Variants in STEAP1B observed in about 807,000 individuals in gnomAD.
STEAP1B encodes the protein STEAP family member 1B, also known as STEAP family protein MGC87042.
In STEAP1B, 13 loss-of-function variants were observed where a neutral mutation model predicts 27.9. The ratio of observed to expected loss-of-function variants is 0.47; its 90% CI spans 0.30 to 0.74. The LOEUF (loss-of-function observed/expected upper bound fraction) is 0.74, where lower values mean the gene tolerates loss of function less well. STEAP1B is among the 30% of genes least tolerant of loss of function. The pLI is 0.06. For synonymous variants in STEAP1B, 86 were observed against 107.1 expected, an observed-to-expected ratio of 0.80 and a Z score of 1.22; for missense variants, 250 against 298.7, an observed-to-expected ratio of 0.84 and a Z score of 1.20.
intron 4 of STEAP1B, among the ~76,000 whole-genome samples, chr7:22,427,198 C>A (rs1785119656): frequency 6.6e-6 from 1 of 152,132 alleles, no homozygotes; most frequent in South Asian, 2.1e-4. Flanking sequence ...GATGAGTTAA[C>A]GTGTAGAAGG....
rs183839652 is a variant in STEAP1B, at chr7:22,456,296, C to T, written c.762+36269G>A. Among the ~76,000 whole-genome samples the T allele has an allele frequency of 1.9e-3, 292 of 152,286 alleles. 3 individuals carry two copies. Among genetic ancestry groups the T allele is most frequent in the Non-Finnish European group, 2.3e-3 (156 of 68,018 alleles). ...TTTCTGTTAGAATCAGATTGTCTTC[C>T]TCAGTTTCCAAGGAAGAAATCGTGC... On this transcript the variant is annotated intron_variant, in intron 4 of 4. Coordinates refer to ENST00000678116, the MANE Select transcript of STEAP1B (RefSeq NM_001382447.1).
At chr7:22,431,125 C>G (rs1175143938) in intron 4 of STEAP1B, among the ~76,000 whole-genome samples, 1 of 152,176 alleles carries the variant, frequency 6.6e-6, no homozygotes, top group Non-Finnish European at 1.5e-5. Flanking sequence ...CTCAAATTGA[C>G]CTACATAATA....
rs552189160 is a variant in STEAP1B at position 22,456,364 on chromosome 7, G to A, written c.762+36201C>T. On this transcript the variant is annotated intron_variant, in intron 4 of 4. Coordinates refer to ENST00000678116, the MANE Select transcript of STEAP1B (RefSeq NM_001382447.1). ...GATAATGCTGCTTCTAAGCATTCCA[G>A]TGGCAACTCTCCTTCCCTGTCATGG... Among the ~76,000 whole-genome samples, 7 of 152,306 alleles carry A rather than the reference G, an allele frequency of 4.6e-5. No homozygotes were observed. The East Asian group carries it at 1.2e-3, about 25-fold the overall frequency.
chr7:22,452,481 G>A (rs184775485), intron 4 of STEAP1B, among the ~76,000 whole-genome samples: 126 of 152,236 alleles, frequency 8.3e-4, no homozygotes, highest in African/African-American at 2.8e-3. Context: ...AGCCGGTAAT[G>A]CGGTAATGTG....
intron 4 of STEAP1B, among the ~76,000 whole-genome samples, chr7:22,482,333 TTTTAGATAACCAACGAATAA>T (rs1194095818): frequency 6.6e-6 from 1 of 152,218 alleles, no homozygotes; most frequent in Non-Finnish European, 1.5e-5. Context: ...TAAATTTAAG[TTTTAGATAACCAACGAATAA>T]TTCTTAGCAC....
chr7:22,454,865 ATTTTTTT>A (rs367804282), intron 4 of STEAP1B, among the ~76,000 whole-genome samples: 39,663 of 125,612 alleles, frequency 0.32, 6,183 homozygotes, highest in Middle Eastern at 0.42. Flanking sequence ...ATATATATAT[ATTTTTTT>A]TTTTTTTTGA....
In STEAP1B at chr7:22,419,693, C is replaced by A. The variant is rs1406418140; in HGVS notation, c.*111G>T. 2.4e-6 allele frequency: 3 copies of A among 1,251,454 alleles called. No homozygotes were observed. The highest frequency in any genetic ancestry group is 5.5e-5 in the East Asian group (2 of 36,676). The allele number at this position is 1,251,454 out of a possible 1,614,324, so 77.5% of individuals were successfully genotyped here. A position where few individuals can be genotyped will look rare whatever the true frequency, so the allele number is the denominator to read the frequency against. On this transcript the variant is annotated 3_prime_UTR_variant, in exon 5 of 5. Coordinates refer to ENST00000678116, the MANE Select transcript of STEAP1B (RefSeq NM_001382447.1). The stretch of plus-strand genomic sequence containing the variant: ...AGAGCAGCCGTCACCTGCAGCATGG[C>A]TGTTCATTGTGGCAGAGGGAAAGGG...
At chr7:22,444,439 A>T (rs1172124930) in intron 4 of STEAP1B, among the ~76,000 whole-genome samples, 1 of 152,062 alleles carries the variant, frequency 6.6e-6, no homozygotes, top group African/African-American at 2.4e-5. Context: ...AAAAAAAGTA[A>T]AAAGAAAATA....
At chr7:22,432,809 A>C (rs1480963104) in intron 4 of STEAP1B, among the ~76,000 whole-genome samples, 3 of 152,202 alleles carry the variant, frequency 2.0e-5, no homozygotes, top group Non-Finnish European at 4.4e-5. Context: ...TAGCCAAAAA[A>C]ACAGCAAATG....
At chr7:22,470,256 G>A (rs549461844) in intron 4 of STEAP1B, among the ~76,000 whole-genome samples, 15 of 152,286 alleles carry the variant, frequency 9.8e-5, no homozygotes, top group South Asian at 2.1e-4. Flanking sequence ...GGATGTAGCC[G>A]TATCGAAAGA....
At chr7:22,469,156 A>C (rs919954012) in intron 4 of STEAP1B, among the ~76,000 whole-genome samples, 3 of 152,152 alleles carry the variant, frequency 2.0e-5, no homozygotes, top group Admixed American at 6.5e-5. Flanking sequence ...GATATTGATG[A>C]TCTGGACCCT....
chr7:22,426,612 T>C (rs1446768079), intron 4 of STEAP1B, among the ~76,000 whole-genome samples: 1 of 152,140 alleles, frequency 6.6e-6, no homozygotes, highest in African/African-American at 2.4e-5. Context: ...GGCAGTGGCT[T>C]TGGGTAAAAG....
intron 1 of STEAP1B, among the ~76,000 whole-genome samples, chr7:22,498,555 T>G (rs1269676975): frequency 2.0e-5 from 3 of 152,192 alleles, no homozygotes. Context: ...GTAACTATAT[T>G]GTGAACAACA....
chr7:22,442,760 G>A (rs893387251), intron 4 of STEAP1B, among the ~76,000 whole-genome samples: 2 of 152,230 alleles, frequency 1.3e-5, no homozygotes, highest in Non-Finnish European at 2.9e-5. Context: ...GAGAAAATGA[G>A]GCAAGGCTGA....
chr7:22,440,639 A>C (rs1350796954), intron 4 of STEAP1B, among the ~76,000 whole-genome samples: 3 of 152,216 alleles, frequency 2.0e-5, no homozygotes, highest in Admixed American at 6.5e-5. Flanking sequence ...GACCACAAAA[A>C]AGGTCAATTT....
chr7:22,497,260 T>C (rs976946899), intron 1 of STEAP1B, among the ~76,000 whole-genome samples: 7 of 152,224 alleles, frequency 4.6e-5, no homozygotes, highest in African/African-American at 1.7e-4. Flanking sequence ...TCTTTAACAT[T>C]TTGTTAAGAT....
At chr7:22,425,716 G>A (rs1386765281) in intron 4 of STEAP1B, among the ~76,000 whole-genome samples, 5 of 152,152 alleles carry the variant, frequency 3.3e-5, no homozygotes, top group African/African-American at 1.2e-4. Context: ...AACCACCCAA[G>A]GTGCAGCCTA....
intron 4 of STEAP1B, among the ~76,000 whole-genome samples, chr7:22,420,151 TG>T (rs1444770694): frequency 1.3e-5 from 2 of 152,226 alleles, no homozygotes; most frequent in Non-Finnish European, 1.5e-5. Flanking sequence ...TTCTGTTGAC[TG>T]GCAAGCTCAG....
intron 4 of STEAP1B, among the ~76,000 whole-genome samples, chr7:22,462,839 G>T (rs968225308): frequency 4.6e-5 from 7 of 151,460 alleles, no homozygotes; most frequent in Non-Finnish European, 8.9e-5. Context: ...CTAGTTTACA[G>T]TCCCACCAAC....
Sources: gnomAD v4.1 joint callset for allele counts (sites outside exome capture counted in the v4.1 genomes callset) on GRCh38, gnomAD v4.1.1 for gene constraint, MANE v1.5 for transcripts, NCBI Gene and HGNC (gene_info 2026-07-23, HGNC 2026-07-21) for gene names.